The following CCSER2 variants were observed in gnomAD, a reference collection of about 807,000 sequenced individuals.
The protein encoded by CCSER2 is serine-rich coiled-coil domain-containing protein 2.
A neutral mutation model predicts 92.3 loss-of-function variants in CCSER2; 46 were observed. The ratio of observed to expected loss-of-function variants is 0.50; its 90% CI spans 0.39 to 0.64. The LOEUF is 0.64. Among genes scored for constraint, CCSER2 ranks in the 30% least tolerant of loss-of-function variants. The pLI is 0.00. For missense variants in CCSER2, 1,244 were observed against 1,238.9 expected (o/e 1.00, Z -0.06); for synonymous variants, 433 against 431.4 (o/e 1.00, Z -0.04).
intron 1 of CCSER2, among the ~76,000 whole-genome samples, chr10:84,363,380 G>A (rs1845612819): frequency 6.6e-6 from 1 of 152,022 alleles, no homozygotes; most frequent in Non-Finnish European, 1.5e-5. Flanking sequence ...GGATATGAAA[G>A]AAGTAGTTGA....
At chr10:84,491,759 T>C (rs1189611276) in intron 9 of CCSER2, among the ~76,000 whole-genome samples, 1 of 152,082 alleles carries the variant, frequency 6.6e-6, no homozygotes, top group Admixed American at 6.5e-5. Flanking sequence ...GTCCCCACTG[T>C]CCAACAAGCC....
intron 6 of CCSER2, among the ~76,000 whole-genome samples, chr10:84,441,730 G>GA (rs766049147): frequency 1.7e-4 from 21 of 125,764 alleles, no homozygotes; most frequent in Non-Finnish European, 2.3e-4. Context: ...AGAAGACTGG[G>GA]AAAATGTTTT....
rs991349401 is a variant in CCSER2 at position 84,517,082 on chromosome 10, A to G, written c.*2815A>G. 1 of 152,178 alleles carries G rather than the reference A, an allele frequency of 6.6e-6. No homozygotes were observed. The highest frequency in any genetic ancestry group is 2.4e-5 in the African/African-American group (1 of 41,432). The allele number at this position is 152,178 out of a possible 1,614,324, so 9.4% of individuals were successfully genotyped here. A position where few individuals can be genotyped will look rare whatever the true frequency, so the allele number is the denominator to read the frequency against. On this transcript the variant is annotated 3_prime_UTR_variant, in exon 10 of 10. Transcript: ENST00000372088. Reference sequence around the variant, plus strand: ...TTAATGTAAATCAACTCTGTGCCAAATCCTCCTCCACAAACCATTTATTGT... The same window carrying G: ...TTAATGTAAATCAACTCTGTGCCAAGTCCTCCTCCACAAACCATTTATTGT...
chr10:84,450,685 T>C (rs994695777), intron 6 of CCSER2, among the ~76,000 whole-genome samples: 4 of 152,224 alleles, frequency 2.6e-5, no homozygotes, highest in Non-Finnish European at 5.9e-5. Flanking sequence ...ATGTTTTATT[T>C]TTAAAAACCT....
chr10:84,331,803 T>C (rs1460296934), intron 1 of CCSER2, among the ~76,000 whole-genome samples: 1 of 152,266 alleles, frequency 6.6e-6, no homozygotes, highest in Non-Finnish European at 1.5e-5. Flanking sequence ...AGTGGTTTTA[T>C]ATGATAAAGC....
intron 6 of CCSER2, among the ~76,000 whole-genome samples, chr10:84,457,529 A>G (rs1440313622): frequency 8.4e-6 from 1 of 119,170 alleles, no homozygotes; most frequent in East Asian, 2.1e-4. Flanking sequence ...TATATAATAT[A>G]TGTATAATTA....
Position 84,371,296 on chromosome 10 carries a change from C to A in CCSER2, c.244C>A (p.Pro82Thr). ...GCTTTGTGCACAAGGTGTCGAAGAG[C>A]CTAACAATACTCAAAATTCACATGA... ...YQLCAQGVEE[P>T]NNTQNSHDKI... is the part of the protein sequence containing the mutation. Residue 82 changes from proline (P) to threonine (T), a missense_variant, in exon 2 of 10, where the codon CCT (proline) becomes ACT (threonine). Pro to Thr is a conservative substitution (Grantham distance 38, BLOSUM62 -1). Coordinates refer to ENST00000372088, the MANE Select transcript of CCSER2 (RefSeq NM_001284240.2). The A allele has an allele frequency of 6.2e-7, 1 of 1,613,394 alleles. No individual in the cohort carries two copies.
At chr10:84,491,858 G>C (rs1451786688) in intron 9 of CCSER2, among the ~76,000 whole-genome samples, 1 of 152,134 alleles carries the variant, frequency 6.6e-6, no homozygotes, top group African/African-American at 2.4e-5. Flanking sequence ...GACTGGAGCT[G>C]TTCCTATTCG....
chr10:84,430,048 A>G (rs1384996528), intron 5 of CCSER2, among the ~76,000 whole-genome samples: 1 of 151,958 alleles, frequency 6.6e-6, no homozygotes, highest in Non-Finnish European at 1.5e-5. Context: ...GTGGTCAGCT[A>G]ATGGTTGGAT....
intron 1 of CCSER2, among the ~76,000 whole-genome samples, chr10:84,358,110 A>G (rs1046716172): frequency 1.3e-5 from 2 of 152,202 alleles, no homozygotes; most frequent in African/African-American, 4.8e-5. Flanking sequence ...ATAGATAACT[A>G]TGAAATAGGA....
intron 1 of CCSER2, among the ~76,000 whole-genome samples, chr10:84,336,486 A>C (rs369634773): frequency 6.6e-6 from 1 of 152,208 alleles, no homozygotes; most frequent in South Asian, 2.1e-4. Context: ...CTAGTATTTG[A>C]ACAGAGATCT....
At chr10:84,491,096 T>C (rs1196371436) in intron 9 of CCSER2, among the ~76,000 whole-genome samples, 1 of 152,242 alleles carries the variant, frequency 6.6e-6, no homozygotes, top group Non-Finnish European at 1.5e-5. Context: ...ATCATTCCTC[T>C]GGAAGCTTCG....
At chr10:84,473,105 A>C (rs1178222141) in intron 8 of CCSER2, 2 of 152,238 alleles carry the variant, frequency 1.3e-5, no homozygotes, top group Non-Finnish European at 2.9e-5. Context: ...AATATTGAAG[A>C]GCATCCTAAA....
At chr10:84,388,339 G>A (rs1166386860) in intron 3 of CCSER2, among the ~76,000 whole-genome samples, 1 of 152,132 alleles carries the variant, frequency 6.6e-6, no homozygotes, top group African/African-American at 2.4e-5. Context: ...GCTGGACTTT[G>A]CCTTGTTTAC....
chr10:84,352,566 C>G (rs1009426210), intron 1 of CCSER2, among the ~76,000 whole-genome samples: 1 of 151,776 alleles, frequency 6.6e-6, no homozygotes, highest in Non-Finnish European at 1.5e-5. Flanking sequence ...TTGGTAGTAT[C>G]TTTATATTTC....
chr10:84,466,469 T>C lies in CCSER2; in HGVS notation c.2148+2453T>C, dbSNP rs143017667. On this transcript the variant is annotated intron_variant, in intron 7 of 9. Coordinates refer to ENST00000372088, the MANE Select transcript of CCSER2 (RefSeq NM_001284240.2). ...GTTTGTTCATCCAGTAAATATCTTATGCTTCCTGCCTTCTTGCTTTCTTTT... is the reference window on the plus strand; with the variant it reads ...GTTTGTTCATCCAGTAAATATCTTACGCTTCCTGCCTTCTTGCTTTCTTTT... 5.3e-5 allele frequency among the ~76,000 whole-genome samples: 8 copies of C among 152,186 alleles called. No homozygotes were observed. The East Asian group carries it at 5.8e-4, about 11-fold the overall frequency.
chr10:84,377,942 C>T (rs570547362), intron 3 of CCSER2, among the ~76,000 whole-genome samples: 30 of 152,128 alleles, frequency 2.0e-4, no homozygotes, highest in African/African-American at 6.7e-4. Flanking sequence ...CTTGTAAATT[C>T]ATCTACTAGT....
chr10:84,501,397 C>A (rs919961918), intron 9 of CCSER2, among the ~76,000 whole-genome samples: 1 of 152,168 alleles, frequency 6.6e-6, no homozygotes, highest in African/African-American at 2.4e-5. Context: ...CCCTTTTAGC[C>A]TGTATCCTTT....
chr10:84,457,268 T>TATATAA, intron 6 of CCSER2, among the ~76,000 whole-genome samples: 1 of 8,506 alleles, frequency 1.2e-4, no homozygotes, highest in Non-Finnish European at 1.9e-4. Flanking sequence ...AAATATATTA[T>TATATAA]ATATAATATA....
Sources: allele counts gnomAD v4.1 joint callset (sites outside exome capture counted in the v4.1 genomes callset), GRCh38; gene constraint gnomAD v4.1.1; transcripts MANE v1.5; gene names NCBI Gene and HGNC (gene_info 2026-07-23, HGNC 2026-07-21).